ZNF385B: variants seen among roughly 807,000 people sequenced by gnomAD.
ZNF385B encodes the protein zinc finger protein 533.
Under a neutral mutation model 39.2 loss-of-function variants are expected in ZNF385B, and 23 were observed. That is an observed-to-expected ratio of 0.59 (90% CI 0.42 to 0.83). The LOEUF (loss-of-function observed/expected upper bound fraction) is 0.83. Among genes scored for constraint, ZNF385B ranks in the 40% least tolerant of loss-of-function variants. ZNF385B has a pLI of 0.00. For synonymous variants in ZNF385B, 205 were observed against 222.6 expected (o/e 0.92, Z 0.70); for missense variants, 552 against 598.9 (o/e 0.92, Z 0.82).
At chr2:179,457,828 T>C (rs2050868270) in intron 6 of ZNF385B, among the ~76,000 whole-genome samples, 2 of 152,206 alleles carry the variant, frequency 1.3e-5, no homozygotes. Flanking sequence ...GGTTGTGGCA[T>C]GCTTTTCACT....
At chr2:179,590,782 C>G (rs1687491492) in intron 3 of ZNF385B, among the ~76,000 whole-genome samples, 1 of 152,016 alleles carries the variant, frequency 6.6e-6, no homozygotes, top group Non-Finnish European at 1.5e-5. Context: ...CCTTTGCGCT[C>G]CCTCTCTCTC....
At chr2:179,443,881 A>T (rs2049204478) in intron 9 of ZNF385B, among the ~76,000 whole-genome samples, 1 of 152,204 alleles carries the variant, frequency 6.6e-6, no homozygotes, top group African/African-American at 2.4e-5. Flanking sequence ...CCCTTCTCTT[A>T]GATAAGCTGC....
intron 5 of ZNF385B, among the ~76,000 whole-genome samples, chr2:179,497,327 A>C (rs1227175775): frequency 6.6e-6 from 1 of 152,220 alleles, no homozygotes; most frequent in Non-Finnish European, 1.5e-5. Flanking sequence ...GAATCAATGA[A>C]AAATAACAGC....
intron 3 of ZNF385B, among the ~76,000 whole-genome samples, chr2:179,617,621 C>A (rs1877942): frequency 6.6e-6 from 1 of 152,064 alleles, no homozygotes; most frequent in African/African-American, 2.4e-5. Flanking sequence ...TGCTTCTGTA[C>A]GCCTAGGAGG....
intron 3 of ZNF385B, among the ~76,000 whole-genome samples, chr2:179,723,396 A>G (rs1700811706): frequency 1.3e-5 from 2 of 152,346 alleles, no homozygotes; most frequent in Middle Eastern, 3.4e-3. Flanking sequence ...AAAGGTAATA[A>G]CCAAAATGTG....
intron 1 of ZNF385B, among the ~76,000 whole-genome samples, chr2:179,777,893 C>T (rs1307100877): frequency 6.6e-6 from 1 of 151,950 alleles, no homozygotes; most frequent in Non-Finnish European, 1.5e-5. Flanking sequence ...CCGCCTCAGC[C>T]TCATGAGTAG....
chr2:179,829,680 A>AT (rs1707873464), intron 1 of ZNF385B, among the ~76,000 whole-genome samples: 1 of 151,930 alleles, frequency 6.6e-6, no homozygotes, highest in African/African-American at 2.4e-5. Context: ...TGCCCGGCCA[A>AT]TTTTTTGTAT....
At chr2:179,479,303 G>GA (rs2105571648) in intron 6 of ZNF385B, among the ~76,000 whole-genome samples, 1 of 151,750 alleles carries the variant, frequency 6.6e-6, no homozygotes, top group African/African-American at 2.4e-5. Flanking sequence ...TGACCTGAAA[G>GA]AAAAAAAAGA....
chr2:179,741,127 A>G (rs1702062590), intron 3 of ZNF385B, among the ~76,000 whole-genome samples: 1 of 152,174 alleles, frequency 6.6e-6, no homozygotes, highest in South Asian at 2.1e-4. Context: ...GGCTCAAAAC[A>G]GGTTCCTGGT....
chr2:179,764,038 A>G (rs1227315568), intron 3 of ZNF385B, among the ~76,000 whole-genome samples: 15 of 152,206 alleles, frequency 9.9e-5, no homozygotes. Context: ...TAATAATCCT[A>G]TCAGTTGCTG....
At position 179,738,626 on chromosome 2, in the gene ZNF385B, G is replaced by C. The variant is rs1187149189; in HGVS notation, c.298+30877C>G. On this transcript the variant is annotated intron_variant, in intron 3 of 9. Transcript: ENST00000410066. ...GGAGTTGGGCCACTTTTCTAGAATA[G>C]TGGTTTTAACTGAGGCTGCACATTA... is the stretch of plus-strand genomic sequence containing the variant. 6.6e-5 allele frequency among the ~76,000 whole-genome samples: 10 copies of C among 152,158 alleles called. 1 individual carries two copies. The South Asian group carries it at 2.1e-3, about 31-fold the overall frequency.
At chr2:179,451,253 A>T (rs1427582641) in intron 6 of ZNF385B, among the ~76,000 whole-genome samples, 1 of 132,308 alleles carries the variant, frequency 7.6e-6, no homozygotes, top group African/African-American at 2.6e-5. Context: ...AGTATAATTA[A>T]AAAAAAAAAA....
At chr2:179,578,416 C>T (rs1172889277) in intron 3 of ZNF385B, among the ~76,000 whole-genome samples, 1 of 152,066 alleles carries the variant, frequency 6.6e-6, no homozygotes, top group Non-Finnish European at 1.5e-5. Context: ...CAAAAGCAAA[C>T]TAATGTAGTA....
At chr2:179,593,958 C>G (rs1016923829) in intron 3 of ZNF385B, among the ~76,000 whole-genome samples, 1 of 152,150 alleles carries the variant, frequency 6.6e-6, no homozygotes, top group Non-Finnish European at 1.5e-5. Flanking sequence ...TTACAATTTT[C>G]ATTTCCAGGG....
At chr2:179,678,184 A>G (rs1697117420) in intron 3 of ZNF385B, among the ~76,000 whole-genome samples, 1 of 152,204 alleles carries the variant, frequency 6.6e-6, no homozygotes, top group South Asian at 2.1e-4. Flanking sequence ...TACAAAAATT[A>G]TCTGTTTCAG....
chr2:179,709,192 G>A (rs116447996), intron 3 of ZNF385B, among the ~76,000 whole-genome samples: 4,143 of 152,254 alleles, frequency 0.027, 196 homozygotes, highest in African/African-American at 0.095. Flanking sequence ...AGATCTCAGC[G>A]GATGAACCAC....
intron 3 of ZNF385B, among the ~76,000 whole-genome samples, chr2:179,622,434 A>G (rs377253165): frequency 6.6e-6 from 1 of 152,182 alleles, no homozygotes; most frequent in Non-Finnish European, 1.5e-5. Context: ...ATCTAATGAC[A>G]CTGGAAAATC....
chr2:179,846,828 A>G (rs185935396), intron 1 of ZNF385B, among the ~76,000 whole-genome samples: 3 of 152,258 alleles, frequency 2.0e-5, no homozygotes, highest in East Asian at 3.9e-4. Context: ...TGGTCCGTGG[A>G]CTCACCTAGA....
intron 3 of ZNF385B, among the ~76,000 whole-genome samples, chr2:179,628,221 A>G (rs1286477030): frequency 6.6e-6 from 1 of 152,178 alleles, no homozygotes; most frequent in Non-Finnish European, 1.5e-5. Context: ...TCCATATTTA[A>G]CCTTCTCTGA....
Sources: gnomAD v4.1 joint callset for allele counts (sites outside exome capture counted in the v4.1 genomes callset) on GRCh38, gnomAD v4.1.1 for gene constraint, MANE v1.5 for transcripts, NCBI Gene and HGNC (gene_info 2026-07-23, HGNC 2026-07-21) for gene names.